CASP10: variants seen among roughly 807,000 people sequenced by gnomAD.
CASP10 encodes caspase-10.
A neutral mutation model predicts 48.5 loss-of-function variants in CASP10; 41 were observed. That is an observed-to-expected ratio of 0.85 (90% CI 0.66 to 1.10). The LOEUF (loss-of-function observed/expected upper bound fraction) is 1.10. CASP10 is among the 50% of genes least tolerant of loss of function. The pLI is 0.00. For missense variants in CASP10, 614 were observed against 614.5 expected (o/e 1.00, Z 0.01); for synonymous variants, 232 against 238.4 (o/e 0.97, Z 0.25).
At chr2:201,208,514 G>A (rs1414941548) in intron 8 of CASP10, 1 of 211,482 alleles carries the variant, frequency 4.7e-6, no homozygotes, top group East Asian at 1.8e-4. Context: ...CTTCAACTGT[G>A]AAACAGGATG....
chr2:201,197,260 T>C lies in CASP10; in HGVS notation c.684+1312T>C, dbSNP rs1944832905. 2.0e-5 allele frequency among the ~76,000 whole-genome samples: 3 copies of C among 152,260 alleles called. No individual in the cohort carries two copies. The South Asian group carries it at 6.2e-4, about 32-fold the overall frequency. Reference sequence around the variant, plus strand: ...CCAAAGTGCTGAGATTACAGCCATGTACCACCACGCCCAGCCACATACCAT... The same window carrying C: ...CCAAAGTGCTGAGATTACAGCCATGCACCACCACGCCCAGCCACATACCAT... On this transcript the variant is annotated intron_variant, in intron 5 of 9. Transcript: ENST00000286186.
intron 5 of CASP10, 45 bp downstream of exon 5, chr2:201,195,993 C>A: frequency 7.7e-7 from 1 of 1,300,158 alleles, no homozygotes; most frequent in Non-Finnish European, 1.1e-6. Flanking sequence ...ACCGGCTCCA[C>A]CCTCCAACCT....
At position 201,209,002 on chromosome 2, in the gene CASP10, T is replaced by C. The variant is rs1170645736; in HGVS notation, c.923-68T>C. 3 of 1,548,902 alleles carry C rather than the reference T, an allele frequency of 1.9e-6. No individual in the cohort carries two copies. The Admixed American group carries it at 5.7e-5, about 29-fold the overall frequency. On this transcript the variant is annotated intron_variant, in intron 8 of 9. Transcript: ENST00000286186. The stretch of plus-strand genomic sequence containing the variant: ...CTTGTTTCAGTTCTTCATTTTGTTT[T>C]GCATCATTTTATTATTTCCCCTTTC...
chr2:201,205,154 C>A (rs923431371), intron 6 of CASP10, among the ~76,000 whole-genome samples: 1 of 152,116 alleles, frequency 6.6e-6, no homozygotes, highest in Non-Finnish European at 1.5e-5. Flanking sequence ...AGGAACACTT[C>A]AAAGCAGTGT....
intron 5 of CASP10, among the ~76,000 whole-genome samples, chr2:201,197,390 G>A (rs546153546): frequency 6.6e-6 from 1 of 152,218 alleles, no homozygotes; most frequent in African/African-American, 2.4e-5. Flanking sequence ...CAAGGCAGGC[G>A]GCTTACTTGA....
At chr2:201,196,905 G>C (rs572383513) in intron 5 of CASP10, among the ~76,000 whole-genome samples, 1 of 151,926 alleles carries the variant, frequency 6.6e-6, no homozygotes, top group Admixed American at 6.6e-5. Flanking sequence ...GACTTTTCAG[G>C]GTACCTCATA....
chr2:201,188,779 T>A (rs572309466), intron 3 of CASP10, among the ~76,000 whole-genome samples: 1 of 152,164 alleles, frequency 6.6e-6, no homozygotes, highest in South Asian at 2.1e-4. Flanking sequence ...GGTACCTGAT[T>A]TTCTCTCTCT....
rs1944783805 is a variant in CASP10, at chr2:201,196,032, A to G, written c.684+84A>G. 7 of 892,966 alleles carry G rather than the reference A, an allele frequency of 7.8e-6. No individual in the cohort carries two copies. In the East Asian group the frequency reaches 1.2e-4, roughly 15 times the overall value. The allele number at this position is 892,966 out of a possible 1,614,324, so 55.3% of individuals were successfully genotyped here. A position where few individuals can be genotyped will look rare whatever the true frequency, so the allele number is the denominator to read the frequency against. ...CTCCCTGCCACCCCAAAAAAGAAAAAGAGAGAGAGGCCCCGGTTTGTACCA... is the reference window on the plus strand; with the variant it reads ...CTCCCTGCCACCCCAAAAAAGAAAAGGAGAGAGAGGCCCCGGTTTGTACCA... On this transcript the variant is annotated intron_variant, in intron 5 of 9. Coordinates refer to ENST00000286186, the MANE Select transcript of CASP10 (RefSeq NM_032977.4).
intron 4 of CASP10, among the ~76,000 whole-genome samples, chr2:201,194,961 T>C (rs1944737966): frequency 6.6e-6 from 1 of 152,076 alleles, no homozygotes; most frequent in Non-Finnish European, 1.5e-5. Context: ...GTATTTTTAG[T>C]AGAGATGGGA....
At chr2:201,185,186 G>C (rs879783158) in intron 1 of CASP10, among the ~76,000 whole-genome samples, 27 of 152,044 alleles carry the variant, frequency 1.8e-4, no homozygotes, top group African/African-American at 6.5e-4. Context: ...TAGAGACCAG[G>C]TCTCGCCATG....
At position 201,220,660 on chromosome 2, in the gene CASP10, A is replaced by T. The variant is rs1309665052; in HGVS notation, c.*2919A>T. ...CTAACTCGGCCAGAAGCCCCTTTCA[A>T]ATTTGTTTTCTCTAAAATAAACCTG... On this transcript the variant is annotated 3_prime_UTR_variant, in exon 10 of 10. Transcript: ENST00000286186. The T allele has an allele frequency of 1.2e-6, 1 of 836,220 alleles. No individual in the cohort carries two copies. The highest frequency in any genetic ancestry group is 1.4e-6 in the Non-Finnish European group (1 of 694,214). The allele number at this position is 836,220 out of a possible 1,614,324, so 51.8% of individuals were successfully genotyped here. A position where few individuals can be genotyped will look rare whatever the true frequency, so the allele number is the denominator to read the frequency against.
chr2:201,189,882 C>A (rs1944546929), intron 3 of CASP10, among the ~76,000 whole-genome samples: 1 of 152,102 alleles, frequency 6.6e-6, no homozygotes, highest in African/African-American at 2.4e-5. Flanking sequence ...ACCTGTAGTC[C>A]CAGCTCCTCA....
chr2:201,211,950 A>G (rs187443172), intron 9 of CASP10, among the ~76,000 whole-genome samples: 10 of 151,624 alleles, frequency 6.6e-5, no homozygotes, highest in Non-Finnish European at 1.5e-4. Context: ...TGGGTTTTTT[A>G]TTTTTATTTT....
chr2:201,215,514 T>G (rs1945542898), intron 9 of CASP10, among the ~76,000 whole-genome samples: 1 of 152,142 alleles, frequency 6.6e-6, no homozygotes, highest in South Asian at 2.1e-4. Context: ...AGAGATTCTC[T>G]TTTACCTATT....
intron 5 of CASP10, chr2:201,200,850 G>C (rs1362685848): frequency 6.3e-6 from 4 of 633,318 alleles, no homozygotes; most frequent in Non-Finnish European, 8.0e-6. Context: ...AATAGCCCTT[G>C]ATTCAATTAA....
chr2:201,197,223 C>A (rs906378927), intron 5 of CASP10, among the ~76,000 whole-genome samples: 1 of 152,010 alleles, frequency 6.6e-6, no homozygotes, highest in South Asian at 2.1e-4. Flanking sequence ...GCAATCCTCC[C>A]GCCTTATCCT....
chr2:201,223,328 C>A (rs1263102931), downstream of CASP10, among the ~76,000 whole-genome samples: 2 of 152,166 alleles, frequency 1.3e-5, no homozygotes, highest in Non-Finnish European at 2.9e-5. Flanking sequence ...TCTGCTGAAC[C>A]CTTCTAGCAG....
At chr2:201,200,840 A>G in intron 5 of CASP10, 1 of 734,252 alleles carries the variant, frequency 1.4e-6, no homozygotes, top group Non-Finnish European at 1.7e-6. Context: ...TCTCTAGGAA[A>G]ATAGCCCTTG....
intron 7 of CASP10, among the ~76,000 whole-genome samples, chr2:201,207,488 G>A (rs1349150610): frequency 6.6e-6 from 1 of 152,092 alleles, no homozygotes; most frequent in Admixed American, 6.6e-5. Context: ...GCTGGGCGCG[G>A]TGGCTCATGC....
Sources: gnomAD v4.1 joint callset for allele counts (sites outside exome capture counted in the v4.1 genomes callset) on GRCh38, gnomAD v4.1.1 for gene constraint, MANE v1.5 for transcripts, NCBI Gene and HGNC (gene_info 2026-07-23, HGNC 2026-07-21) for gene names.